The following DSCAM variants were observed in gnomAD, a reference collection of about 807,000 sequenced individuals.
DSCAM encodes the protein cell adhesion molecule DSCAM.
Under a neutral mutation model 217.7 loss-of-function variants are expected in DSCAM, and 47 were observed. The observed-to-expected ratio is 0.22, with a 90% CI of 0.17 to 0.28. The LOEUF is 0.28. DSCAM is among the 10% of genes least tolerant of loss of function. The probability of loss-of-function intolerance (pLI) is 1.00; values close to 1 mark genes in which losing one functional copy is unlikely to be tolerated. For missense variants in DSCAM, 2,080 were observed against 2,618.3 expected, an observed-to-expected ratio of 0.79 and a Z score of 4.49; for synonymous variants, 1,056 against 1,015.3, an observed-to-expected ratio of 1.04 and a Z score of -0.76.
At chr21:40,555,751 G>A (rs1450740101) in intron 3 of DSCAM, among the ~76,000 whole-genome samples, 2 of 152,238 alleles carry the variant, frequency 1.3e-5, no homozygotes, top group Admixed American at 6.5e-5. Context: ...ACTTGCCTTA[G>A]CCTTCTGAGT....
chr21:40,117,988 A>C (rs1220689487), intron 20 of DSCAM, among the ~76,000 whole-genome samples: 1 of 152,028 alleles, frequency 6.6e-6, no homozygotes, highest in Admixed American at 6.6e-5. Flanking sequence ...CACGTGCACA[A>C]ATGCAGACAC....
intron 24 of DSCAM, among the ~76,000 whole-genome samples, chr21:40,080,751 G>A (rs778515646): frequency 2.6e-5 from 4 of 152,148 alleles, no homozygotes; most frequent in Non-Finnish European, 4.4e-5. Flanking sequence ...CATTATCAAT[G>A]GGAGTAGAGA....
At chr21:40,524,139 TTAAA>T (rs879850832) in intron 3 of DSCAM, among the ~76,000 whole-genome samples, 6,113 of 152,222 alleles carry the variant, frequency 0.04, 260 homozygotes, top group East Asian at 0.21. Context: ...TTTATTTATT[TTAAA>T]CAACCAGATC....
At chr21:40,435,621 T>C (rs1319638005) in intron 3 of DSCAM, among the ~76,000 whole-genome samples, 2 of 152,164 alleles carry the variant, frequency 1.3e-5, no homozygotes, top group Admixed American at 6.5e-5. Flanking sequence ...GCTCTTGTAC[T>C]GTTTTATGGA....
chr21:40,304,881 T>C (rs2074054806), intron 9 of DSCAM, among the ~76,000 whole-genome samples: 1 of 152,124 alleles, frequency 6.6e-6, no homozygotes, highest in Admixed American at 6.5e-5. Context: ...ATAGTAACAT[T>C]ATAATAGTAA....
chr21:40,394,725 A>C (rs1444492686), intron 3 of DSCAM, among the ~76,000 whole-genome samples: 1 of 152,142 alleles, frequency 6.6e-6, no homozygotes, highest in Non-Finnish European at 1.5e-5. Flanking sequence ...TCTTGGGCTG[A>C]GGTTTTGGAT....
chr21:40,629,690 T>C (rs1339238322), intron 3 of DSCAM: 2 of 152,218 alleles, frequency 1.3e-5, no homozygotes, highest in Non-Finnish European at 2.9e-5. Context: ...TCAGCCTTTG[T>C]TGTTCGAAGG....
At chr21:40,136,024 C>A (rs1316149324) in intron 18 of DSCAM, among the ~76,000 whole-genome samples, 1 of 152,164 alleles carries the variant, frequency 6.6e-6, no homozygotes, top group Admixed American at 6.5e-5. Flanking sequence ...TAGGCTGGGG[C>A]TTTGCTGGGG....
intron 32 of DSCAM, among the ~76,000 whole-genome samples, chr21:40,040,704 G>A (rs1395181125): frequency 6.6e-6 from 1 of 152,178 alleles, no homozygotes; most frequent in African/African-American, 2.4e-5. Context: ...CCCTTCACCT[G>A]TATAATGCTA....
At chr21:40,763,541 T>C (rs2091357401) in intron 1 of DSCAM, among the ~76,000 whole-genome samples, 4 of 152,210 alleles carry the variant, frequency 2.6e-5, no homozygotes, top group African/African-American at 9.7e-5. Flanking sequence ...ATAGATTAAA[T>C]GCTATTCTCA....
At position 40,316,121 on chromosome 21, in the gene DSCAM, C is replaced by T. The variant is rs143133479; in HGVS notation, c.1784-3762G>A. Among the ~76,000 whole-genome samples the T allele has an allele frequency of 9.9e-5, 15 of 152,004 alleles. No homozygotes were observed. The East Asian group carries it at 2.5e-3, about 25-fold the overall frequency. On this transcript the variant is annotated intron_variant, in intron 8 of 32. Transcript: ENST00000400454. The stretch of plus-strand genomic sequence containing the variant: ...ACATTTAAAATATTTTAAAACATAT[C>T]TACCAAAAAAAAGCCTTTCCAAAAT...
chr21:40,724,036 T>C (rs540699684), intron 1 of DSCAM, among the ~76,000 whole-genome samples: 11 of 152,338 alleles, frequency 7.2e-5, no homozygotes, highest in African/African-American at 2.6e-4. Flanking sequence ...AGGGAATTCA[T>C]TTTAGAGATA....
intron 3 of DSCAM, among the ~76,000 whole-genome samples, chr21:40,540,033 G>A (rs899045809): frequency 6.6e-6 from 1 of 152,068 alleles, no homozygotes; most frequent in Non-Finnish European, 1.5e-5. Context: ...CTATTGAGTT[G>A]CATTATGCAT....
At chr21:40,771,810 C>T (rs922991504) in intron 1 of DSCAM, among the ~76,000 whole-genome samples, 1 of 152,132 alleles carries the variant, frequency 6.6e-6, no homozygotes, top group Non-Finnish European at 1.5e-5. Context: ...AAAGGCATTC[C>T]AAATAGGTAC....
intron 3 of DSCAM, among the ~76,000 whole-genome samples, chr21:40,494,203 A>G (rs193009111): frequency 1.3e-5 from 2 of 152,320 alleles, no homozygotes; most frequent in Admixed American, 6.5e-5. Context: ...CCTATTTACA[A>G]TTACCTTGAA....
intron 32 of DSCAM, among the ~76,000 whole-genome samples, chr21:40,014,437 A>G (rs1166040411): frequency 6.6e-6 from 1 of 152,040 alleles, no homozygotes; most frequent in Admixed American, 6.6e-5. Context: ...AACCAAAACA[A>G]AAAAACCAAG....
intron 1 of DSCAM, among the ~76,000 whole-genome samples, chr21:40,763,635 A>G (rs1266641355): frequency 6.6e-6 from 1 of 152,166 alleles, no homozygotes; most frequent in Non-Finnish European, 1.5e-5. Flanking sequence ...CTGTGTAGCC[A>G]AGACAACTCT....
intron 20 of DSCAM, among the ~76,000 whole-genome samples, chr21:40,112,306 C>T (rs2089908874): frequency 6.6e-6 from 1 of 151,032 alleles, no homozygotes; most frequent in African/African-American, 2.4e-5. Flanking sequence ...CAACCTGCTC[C>T]TGAATGACTA....
chr21:40,305,028 G>C (rs1198476658), intron 9 of DSCAM, among the ~76,000 whole-genome samples: 1 of 152,104 alleles, frequency 6.6e-6, no homozygotes, highest in Non-Finnish European at 1.5e-5. Flanking sequence ...GGTCCCCATA[G>C]ACTTGCTCGA....
Sources: gnomAD v4.1 joint callset for allele counts (sites outside exome capture counted in the v4.1 genomes callset) on GRCh38, gnomAD v4.1.1 for gene constraint, MANE v1.5 for transcripts, NCBI Gene and HGNC (gene_info 2026-07-23, HGNC 2026-07-21) for gene names.